Variants in KCTD14 observed in about 807,000 individuals in gnomAD.
KCTD14 encodes BTB/POZ domain-containing protein KCTD14.
A neutral mutation model predicts 5.9 loss-of-function variants in KCTD14; 7 were observed. That is an observed-to-expected ratio of 1.19 (90% CI 0.68 to 2.23). KCTD14 has a LOEUF of 2.23. Ranked by LOEUF, KCTD14 falls within the 30% of genes most tolerant of loss-of-function variation. The pLI is 0.00. For missense variants in KCTD14, 342 were observed against 332.2 expected (o/e 1.03, Z -0.23); for synonymous variants, 140 against 133.1 (o/e 1.05, Z -0.36).
At chr11:78,024,156 G>A (rs758773935), upstream of KCTD14, among the ~76,000 whole-genome samples, 10 of 151,546 alleles carry the variant, frequency 6.6e-5, no homozygotes, top group East Asian at 2.0e-4. Context: ...AGGCCAAAGC[G>A]GACAGATCAT....
intron 2 of KCTD14, chr11:78,038,591 C>G: frequency 6.6e-7 from 1 of 1,512,146 alleles, no homozygotes; most frequent in South Asian, 1.2e-5. Context: ...GCTGGTTACC[C>G]CAAGTGAACA....
intron 2 of KCTD14, among the ~76,000 whole-genome samples, chr11:78,028,411 T>C (rs1362444422): frequency 6.6e-6 from 1 of 152,098 alleles, no homozygotes; most frequent in Non-Finnish European, 1.5e-5. Flanking sequence ...AATACCAGCC[T>C]GGCCAGCATA....
Position 78,016,709 on chromosome 11 carries a change from C to A in KCTD14, c.652G>T (p.Glu218Ter). The A allele has an allele frequency of 6.2e-7, 1 of 1,614,206 alleles. No individual in the cohort carries two copies. Among genetic ancestry groups the A allele is most frequent in the Non-Finnish European group, 8.5e-7 (1 of 1,180,030 alleles). Residue 218 changes from glutamate (E) to a stop codon, truncating the protein, a stop_gained, in exon 2 of 2, where the codon GAG (glutamate) becomes TAG (stop). Transcript: ENST00000353172. LOFTEE classifies it low-confidence loss of function (END_TRUNC). ...TACCCCTGGGCCTTAATGTCCATCT[C>A]CAGGCAGTGCATGAGGTCGCTGTTG... ...LDNSDLMHCL[E>*]MDIKAQGYKV...
At chr11:78,028,931 G>T (rs1236027690) in intron 2 of KCTD14, among the ~76,000 whole-genome samples, 2 of 151,884 alleles carry the variant, frequency 1.3e-5, no homozygotes, top group Non-Finnish European at 2.9e-5. Context: ...AGGCACAGTG[G>T]CTCAGCACTT....
chr11:78,032,123 C>T (rs1461496719), intron 2 of KCTD14, among the ~76,000 whole-genome samples: 2 of 152,200 alleles, frequency 1.3e-5, no homozygotes, highest in Non-Finnish European at 2.9e-5. Context: ...ATCTGGGAGG[C>T]CCTGTACTGT....
intron 2 of KCTD14, among the ~76,000 whole-genome samples, chr11:78,035,767 C>T (rs1342116120): frequency 3.3e-4 from 48 of 143,620 alleles, no homozygotes; most frequent in Non-Finnish European, 1.2e-4. Context: ...ATCATTTGAA[C>T]GCAGGAGGCA....
intron 1 of KCTD14, among the ~76,000 whole-genome samples, chr11:78,041,606 T>C (rs1416876982): frequency 6.6e-6 from 1 of 152,228 alleles, no homozygotes. Flanking sequence ...TCCCTTTGTA[T>C]GGGAGCTCTG....
upstream of KCTD14, among the ~76,000 whole-genome samples, chr11:78,026,094 G>A (rs1023167615): frequency 6.6e-6 from 1 of 152,170 alleles, no homozygotes; most frequent in Admixed American, 6.6e-5. Context: ...CTCAGGTCAT[G>A]TGCCCAAGGT....
intron 1 of KCTD14, among the ~76,000 whole-genome samples, chr11:78,018,902 T>A (rs1012283253): frequency 3.9e-5 from 6 of 152,188 alleles, no homozygotes; most frequent in Non-Finnish European, 8.8e-5. Flanking sequence ...TTCTTGGGTA[T>A]TTACTATGTA....
At chr11:78,024,395 AAAAT>A (rs1252457311), upstream of KCTD14, among the ~76,000 whole-genome samples, 1,537 of 106,524 alleles carry the variant, frequency 0.014, 19 homozygotes, top group South Asian at 0.031. Flanking sequence ...AAAAAAAAAA[AAAAT>A]ATATATATAT....
chr11:78,027,403 A>T (rs1342402054), upstream of KCTD14, among the ~76,000 whole-genome samples: 1 of 147,282 alleles, frequency 6.8e-6, no homozygotes, highest in Non-Finnish European at 1.5e-5. Flanking sequence ...TCACTCTGTC[A>T]CCAGGCTGAA....
rs747956602 is a variant in KCTD14, at chr11:78,016,675, A to AAT, written c.684_685dup (p.Phe229TyrfsTer7). The stretch of plus-strand genomic sequence containing the variant: ...GGGGTACGTCAGGTAGAACTTGGAG[A>AAT]ATACCTTGTACCCCTGGGCCTTAAT... On this transcript the variant is annotated frameshift_variant, in exon 2 of 2. Coordinates refer to ENST00000353172, the MANE Select transcript of KCTD14 (RefSeq NM_023930.4). LOFTEE classifies it low-confidence loss of function (END_TRUNC). The AAT allele has an allele frequency of 6.8e-6, 11 of 1,614,130 alleles. No homozygotes were observed. Among genetic ancestry groups the AAT allele is most frequent in the Non-Finnish European group, 9.3e-6 (11 of 1,179,990 alleles).
At chr11:78,027,653 T>C (rs1401631798), upstream of KCTD14, among the ~76,000 whole-genome samples, 1 of 151,694 alleles carries the variant, frequency 6.6e-6, no homozygotes, top group Non-Finnish European at 1.5e-5. Flanking sequence ...GAGCCACCAC[T>C]CCCAGTCAGA....
intron 2 of KCTD14, among the ~76,000 whole-genome samples, chr11:78,030,818 C>G (rs1048134221): frequency 6.6e-6 from 1 of 152,104 alleles, no homozygotes; most frequent in Non-Finnish European, 1.5e-5. Context: ...ACGAGGCATC[C>G]TGTCCACCCG....
chr11:78,041,356 A>G (rs1301127104), intron 1 of KCTD14, among the ~76,000 whole-genome samples: 3 of 152,212 alleles, frequency 2.0e-5, no homozygotes, highest in African/African-American at 7.2e-5. Flanking sequence ...TAGGCCGACT[A>G]AGAATCCCTA....
chr11:78,034,471 C>T (rs1857730498), intron 2 of KCTD14, among the ~76,000 whole-genome samples: 1 of 152,058 alleles, frequency 6.6e-6, no homozygotes, highest in Non-Finnish European at 1.5e-5. Flanking sequence ...CTCTCTCTCT[C>T]TCTCTCTGCC....
intron 2 of KCTD14, among the ~76,000 whole-genome samples, chr11:78,035,934 C>A (rs902569099): frequency 2.0e-5 from 3 of 149,410 alleles, no homozygotes; most frequent in Non-Finnish European, 3.0e-5. Context: ...TCAAGGGAGG[C>A]GGATCACTTG....
intron 1 of KCTD14, among the ~76,000 whole-genome samples, chr11:78,022,157 C>T (rs562862857): frequency 6.6e-6 from 1 of 152,186 alleles, no homozygotes; most frequent in Admixed American, 6.5e-5. Flanking sequence ...GCCTGTAATC[C>T]CAGCACTTTG....
chr11:78,030,600 T>C (rs1408400502), intron 2 of KCTD14, among the ~76,000 whole-genome samples: 2 of 152,232 alleles, frequency 1.3e-5, no homozygotes, highest in Non-Finnish European at 2.9e-5. Flanking sequence ...GAGCAAGCAC[T>C]GCTTCCTTCT....
Sources: gnomAD v4.1 joint callset for allele counts (sites outside exome capture counted in the v4.1 genomes callset) on GRCh38, gnomAD v4.1.1 for gene constraint, MANE v1.5 for transcripts, NCBI Gene and HGNC (gene_info 2026-07-23, HGNC 2026-07-21) for gene names.